RNF103: variants seen among roughly 807,000 people sequenced by gnomAD.
The protein encoded by RNF103 is ring finger protein 103.
A neutral mutation model predicts 66.2 loss-of-function variants in RNF103; 23 were observed. The ratio of observed to expected loss-of-function variants is 0.35; its 90% confidence interval spans 0.25 to 0.49. RNF103 has a LOEUF of 0.49. Among genes scored for constraint, RNF103 ranks in the 20% least tolerant of loss-of-function variants. The pLI, the probability that RNF103 is intolerant of heterozygous loss-of-function variation, is 0.98. For missense variants in RNF103, 730 were observed against 814.7 expected (o/e 0.90, Z 1.27); for synonymous variants, 297 against 289.9 (o/e 1.02, Z -0.25).
intron 2 of RNF103, among the ~76,000 whole-genome samples, chr2:86,615,514 T>C (rs1439766830): frequency 7.8e-6 from 1 of 128,022 alleles, no homozygotes; most frequent in Non-Finnish European, 1.6e-5. Flanking sequence ...TATATATACA[T>C]ATGCCTTATA....
chr2:86,616,120 C>T (rs1381517622), intron 2 of RNF103, among the ~76,000 whole-genome samples: 2 of 152,196 alleles, frequency 1.3e-5, no homozygotes, highest in African/African-American at 4.8e-5. Context: ...TTCTTGACCT[C>T]AGTCAGACAT....
chr2:86,616,867 A>C (rs1324889142), intron 2 of RNF103: 1 of 985,308 alleles, frequency 1.0e-6, no homozygotes, highest in Non-Finnish European at 1.2e-6. Flanking sequence ...AATTATGCTA[A>C]CTTCTCCACT....
chr2:86,621,134 A>C (rs1338726454), intron 1 of RNF103, among the ~76,000 whole-genome samples: 2 of 152,188 alleles, frequency 1.3e-5, no homozygotes, highest in Non-Finnish European at 2.9e-5. Flanking sequence ...ATAGCAGCAA[A>C]ACCATTCACA....
intron 3 of RNF103, 81 bp downstream of exon 3, chr2:86,612,078 G>C (rs1678817568): frequency 1.2e-6 from 1 of 816,984 alleles, no homozygotes; most frequent in Non-Finnish European, 2.0e-6. Flanking sequence ...AGTTCAAGCA[G>C]GCTTCTAGTA....
Position 86,623,788 on chromosome 2 carries a change from C to A in RNF103, c.-902G>T. ...GTCGCAGCACCCGTCCCCAACACCC[C>A]CGCCACCTCCGGAGACCGCGGCCGT... On this transcript the variant is annotated 5_prime_UTR_variant, in exon 1 of 4. Coordinates refer to ENST00000237455, the MANE Select transcript of RNF103 (RefSeq NM_005667.4). The A allele has an allele frequency of 7.8e-7, 1 of 1,282,940 alleles. No homozygotes were observed. The highest frequency in any genetic ancestry group is 1.0e-6 in the Non-Finnish European group (1 of 986,460). The allele number at this position is 1,282,940 out of a possible 1,614,324, so 79.5% of individuals were successfully genotyped here.
intron 3 of RNF103, among the ~76,000 whole-genome samples, chr2:86,607,069 A>T (rs1244403581): frequency 6.6e-6 from 1 of 151,360 alleles, no homozygotes; most frequent in Admixed American, 6.6e-5. Context: ...TTTAAAAAGT[A>T]TTTTTTTTTC....
At chr2:86,616,357 T>C in intron 2 of RNF103, 3 of 457,044 alleles carry the variant, frequency 6.6e-6, no homozygotes, top group Non-Finnish European at 8.6e-6. Flanking sequence ...TTCAAAATCA[T>C]AAGCCAACCT....
chr2:86,612,152 A>T lies in RNF103; in HGVS notation c.482+7T>A, dbSNP rs760431605. Reference sequence around the variant, plus strand: ...CTCAAATTCTAAGAATTGCCTAATCAACTTACCTGGGATCACTGGAACAGT... The same window carrying T: ...CTCAAATTCTAAGAATTGCCTAATCTACTTACCTGGGATCACTGGAACAGT... On this transcript the variant is annotated splice_region_variant and intron_variant, in intron 3 of 3. Transcript: ENST00000237455. The T allele has an allele frequency of 3.1e-6, 5 of 1,590,044 alleles. No homozygotes were observed. Among genetic ancestry groups the T allele is most frequent in the Non-Finnish European group, 4.3e-6 (5 of 1,165,000 alleles).
At chr2:86,608,229 G>A (rs1473766549) in intron 3 of RNF103, among the ~76,000 whole-genome samples, 1 of 152,146 alleles carries the variant, frequency 6.6e-6, no homozygotes, top group East Asian at 1.9e-4. Context: ...GCTCACACCT[G>A]TAATCCCAGC....
At chr2:86,622,629 G>A in intron 1 of RNF103, 32 bp downstream of exon 1, 1 of 1,598,956 alleles carries the variant, frequency 6.3e-7, no homozygotes, top group Non-Finnish European at 8.6e-7. Context: ...TCTCCCAGGT[G>A]GAGGGGACCC....
intron 2 of RNF103, chr2:86,612,561 C>T: frequency 4.4e-6 from 1 of 224,950 alleles, no homozygotes; most frequent in Non-Finnish European, 8.6e-6. Flanking sequence ...CATTCTCCAC[C>T]ATGTGGCCTC....
chr2:86,606,635 C>T (rs1678569331), intron 3 of RNF103, among the ~76,000 whole-genome samples: 2 of 136,790 alleles, frequency 1.5e-5, no homozygotes, highest in African/African-American at 5.9e-5. Context: ...TGCACTCCAG[C>T]CTGGGCGACA....
In RNF103 at chr2:86,623,430, G is replaced by A; in HGVS notation, c.-544C>T. The stretch of plus-strand genomic sequence containing the variant: ...AGGGCGCGGCGCTCGGCCGGGCCAG[G>A]CCCGGGGCCCAGCGTGTTCTGCGCG... On this transcript the variant is annotated 5_prime_UTR_variant, in exon 1 of 4. Transcript: ENST00000237455. 1 of 981,888 alleles carries A rather than the reference G, an allele frequency of 1.0e-6. No individual in the cohort carries two copies. Among genetic ancestry groups the A allele is most frequent in the Non-Finnish European group, 1.2e-6 (1 of 828,530 alleles). 60.8% of individuals were successfully genotyped at this position (981,888 alleles called of 1,614,324 possible). A position where few individuals can be genotyped will look rare whatever the true frequency, so the allele number is the denominator to read the frequency against.
intron 2 of RNF103, among the ~76,000 whole-genome samples, chr2:86,619,591 T>C (rs1424876680): frequency 1.3e-5 from 2 of 152,250 alleles, no homozygotes; most frequent in Non-Finnish European, 2.9e-5. Context: ...AGTTTTAAAA[T>C]GTAAATAACT....
chr2:86,623,629 C>G lies in RNF103; in HGVS notation c.-743G>C. 2 of 1,095,900 alleles carry G rather than the reference C, an allele frequency of 1.8e-6. No individual in the cohort carries two copies. The highest frequency in any genetic ancestry group is 2.2e-6 in the Non-Finnish European group (2 of 893,220). The allele number at this position is 1,095,900 out of a possible 1,614,324, so 67.9% of individuals were successfully genotyped here. A position where few individuals can be genotyped will look rare whatever the true frequency, so the allele number is the denominator to read the frequency against. Reference sequence around the variant, plus strand: ...CACTGCGGCCCGGCCCAGGATGGGGCGTCGCGGTCTCTGCAGATGGAATCG... The same window carrying G: ...CACTGCGGCCCGGCCCAGGATGGGGGGTCGCGGTCTCTGCAGATGGAATCG... On this transcript the variant is annotated 5_prime_UTR_variant, in exon 1 of 4. Transcript: ENST00000237455.
chr2:86,604,263 A>G lies in RNF103; in HGVS notation c.1638T>C (p.Thr546=), dbSNP rs1438810845. 6.2e-7 allele frequency: 1 copy of G among 1,614,002 alleles called. No homozygotes were observed. Among genetic ancestry groups the G allele is most frequent in the Non-Finnish European group, 8.5e-7 (1 of 1,180,032 alleles). ...CAAATACTTCCTTCTCACTACTCAA[A>G]GTGTCTGTGTTCTCACTTTCCGAGT... is the stretch of plus-strand genomic sequence containing the variant. ...ENDSESENTD[T]LSSEKEVFED... Residue 546 remains threonine (T), a synonymous_variant, in exon 4 of 4, where the codon ACT becomes ACC. Coordinates refer to ENST00000237455, the MANE Select transcript of RNF103 (RefSeq NM_005667.4).
In RNF103 at chr2:86,605,382, G is replaced by C; in HGVS notation, c.519C>G (p.Leu173=). The C allele has an allele frequency of 6.2e-7, 1 of 1,614,006 alleles. No homozygotes were observed. The highest frequency in any genetic ancestry group is 1.6e-4 in the Middle Eastern group (1 of 6,062). ...TACTTGTTTGTGGAACAGACATAATGAGTGTGGATCGGACCCAGCCTCTTC... is the reference window on the plus strand; with the variant it reads ...TACTTGTTTGTGGAACAGACATAATCAGTGTGGATCGGACCCAGCCTCTTC... ...CRRRGWVRST[L]IMSVPQTSTS... The change falls in exon 4 of 4, where the codon CTC becomes CTG. Residue 173 remains leucine, a synonymous_variant. Coordinates refer to ENST00000237455, the MANE Select transcript of RNF103 (RefSeq NM_005667.4).
In RNF103 at chr2:86,623,485, C is replaced by A; in HGVS notation, c.-599G>T. The A allele has an allele frequency of 1.0e-6, 1 of 982,694 alleles. No individual in the cohort carries two copies. The highest frequency in any genetic ancestry group is 1.2e-6 in the Non-Finnish European group (1 of 828,970). 60.9% of individuals were successfully genotyped at this position (982,694 alleles called of 1,614,324 possible). On this transcript the variant is annotated 5_prime_UTR_variant, in exon 1 of 4. Transcript: ENST00000237455. ...GGAGCGGCCGCCGCAACGCCGCGCC[C>A]GAAGCCCAGGCCCCAGGCCCCGCCG... is the stretch of plus-strand genomic sequence containing the variant.
In RNF103 at chr2:86,603,738, T is replaced by C; in HGVS notation, c.*105A>G. 4 of 1,445,428 alleles carry C rather than the reference T, an allele frequency of 2.8e-6. No homozygotes were observed. The highest frequency in any genetic ancestry group is 3.7e-6 in the Non-Finnish European group (4 of 1,074,646). The allele number at this position is 1,445,428 out of a possible 1,614,324, so 89.5% of individuals were successfully genotyped here. The stretch of plus-strand genomic sequence containing the variant: ...TAGCATAATGTGTATTTCCCGTCAC[T>C]GCACTAACATTAAACTAAACTTCAA... On this transcript the variant is annotated 3_prime_UTR_variant, in exon 4 of 4. Transcript: ENST00000237455.
Sources: allele counts gnomAD v4.1 joint callset (sites outside exome capture counted in the v4.1 genomes callset), GRCh38; gene constraint gnomAD v4.1.1; transcripts MANE v1.5; gene names NCBI Gene and HGNC (gene_info 2026-07-23, HGNC 2026-07-21).